ADGRL2: variants seen among roughly 807,000 people sequenced by gnomAD.
ADGRL2 encodes calcium-independent alpha-latrotoxin receptor 2.
A neutral mutation model predicts 157.4 loss-of-function variants in ADGRL2; 44 were observed. That is an observed-to-expected ratio of 0.28 (90% CI 0.22 to 0.36). The LOEUF is 0.36. Among genes scored for constraint, ADGRL2 ranks in the 10% least tolerant of loss-of-function variants. The probability of loss-of-function intolerance (pLI) is 1.00; values close to 1 mark genes in which losing one functional copy is unlikely to be tolerated. For synonymous variants in ADGRL2, 585 were observed against 624.7 expected, an observed-to-expected ratio of 0.94 and a Z score of 0.95; for missense variants, 1,510 against 1,768.9, an observed-to-expected ratio of 0.85 and a Z score of 2.63.
intron 2 of ADGRL2, among the ~76,000 whole-genome samples, chr1:81,781,209 G>C (rs908736082): frequency 6.6e-6 from 1 of 152,068 alleles, no homozygotes; most frequent in Non-Finnish European, 1.5e-5. Flanking sequence ...ATTTACCAAG[G>C]TGAATAACAT....
intron 3 of ADGRL2, among the ~76,000 whole-genome samples, chr1:81,639,290 C>T (rs532453821): frequency 4.6e-5 from 7 of 152,184 alleles, no homozygotes; most frequent in Middle Eastern, 3.4e-3. Context: ...AGGCTGGTCT[C>T]GAACTCCTGA....
At chr1:81,392,380 C>G (rs114464346) in intron 1 of ADGRL2, among the ~76,000 whole-genome samples, 1 of 152,012 alleles carries the variant, frequency 6.6e-6, no homozygotes, top group Admixed American at 6.6e-5. Flanking sequence ...GTAACTTTGC[C>G]GCCTTAGGGT....
At chr1:81,321,629 A>G (rs971686225) in intron 1 of ADGRL2, among the ~76,000 whole-genome samples, 3 of 152,178 alleles carry the variant, frequency 2.0e-5, no homozygotes, top group Admixed American at 1.3e-4. Context: ...CTGTCAATAG[A>G]GCAGTCGGAA....
chr1:81,541,300 G>A (rs933827342), intron 2 of ADGRL2, among the ~76,000 whole-genome samples: 1 of 152,172 alleles, frequency 6.6e-6, no homozygotes, highest in Non-Finnish European at 1.5e-5. Flanking sequence ...TGCAACCAAT[G>A]TCCAAATGGA....
chr1:81,723,502 G>T (rs990071413), intron 1 of ADGRL2, among the ~76,000 whole-genome samples: 1 of 151,960 alleles, frequency 6.6e-6, no homozygotes, highest in Non-Finnish European at 1.5e-5. Context: ...GAATTATTGG[G>T]CAGGGAAGAT....
chr1:81,471,248 C>G (rs569116380), intron 2 of ADGRL2, among the ~76,000 whole-genome samples: 11 of 152,036 alleles, frequency 7.2e-5, no homozygotes, highest in Non-Finnish European at 1.3e-4. Context: ...TTCTTCAGAC[C>G]ACCACAAATC....
chr1:81,578,770 A>G (rs149156220), intron 2 of ADGRL2, among the ~76,000 whole-genome samples: 25 of 152,308 alleles, frequency 1.6e-4, no homozygotes, highest in African/African-American at 5.8e-4. Context: ...GTCTATAAAC[A>G]GGCAATAATT....
intron 19 of ADGRL2, among the ~76,000 whole-genome samples, chr1:81,982,369 A>G (rs920225314): frequency 7.9e-5 from 12 of 151,988 alleles, no homozygotes; most frequent in African/African-American, 2.7e-4. Flanking sequence ...TTTTTAAAGC[A>G]CCAGACATAC....
intron 1 of ADGRL2, among the ~76,000 whole-genome samples, chr1:81,734,691 T>C (rs1352280754): frequency 1.3e-5 from 2 of 148,728 alleles, no homozygotes; most frequent in East Asian, 3.9e-4. Flanking sequence ...TATTTTGGTA[T>C]ATGTTGTCTC....
At chr1:81,989,695 T>C (rs1486014062) in intron 23 of ADGRL2, 1 of 1,611,192 alleles carries the variant, frequency 6.2e-7, no homozygotes, top group Admixed American at 1.7e-5. Flanking sequence ...ACAGACATGA[T>C]GTGAGTTGTC....
chr1:81,659,729 C>T (rs900783689), intron 3 of ADGRL2, among the ~76,000 whole-genome samples: 2 of 152,170 alleles, frequency 1.3e-5, no homozygotes, highest in African/African-American at 2.4e-5. Context: ...ATCTTTATCA[C>T]ATTTTATTTT....
intron 2 of ADGRL2, among the ~76,000 whole-genome samples, chr1:81,493,869 T>G (rs2147968310): frequency 6.6e-6 from 1 of 152,260 alleles, no homozygotes; most frequent in Middle Eastern, 3.4e-3. Flanking sequence ...TGTTGCTTAC[T>G]TGGGGAGAGG....
At chr1:81,651,150 C>T (rs1396340495) in intron 3 of ADGRL2, among the ~76,000 whole-genome samples, 1 of 151,974 alleles carries the variant, frequency 6.6e-6, no homozygotes, top group Non-Finnish European at 1.5e-5. Context: ...CTCAATAAAG[C>T]AGCTGTCCTA....
At chr1:81,732,208 G>A (rs1302708872) in intron 1 of ADGRL2, among the ~76,000 whole-genome samples, 1 of 152,208 alleles carries the variant, frequency 6.6e-6, no homozygotes, top group Admixed American at 6.5e-5. Context: ...TGTTAAGAGA[G>A]TACAATGTGA....
At chr1:81,612,432 G>A (rs141743725) in intron 3 of ADGRL2, among the ~76,000 whole-genome samples, 2 of 152,214 alleles carry the variant, frequency 1.3e-5, no homozygotes, top group African/African-American at 4.8e-5. Flanking sequence ...AAGAGGTGCC[G>A]ACAAAAGTAT....
At chr1:81,874,867 G>A (rs780869815) in intron 2 of ADGRL2, among the ~76,000 whole-genome samples, 9 of 151,776 alleles carry the variant, frequency 5.9e-5, no homozygotes, top group Non-Finnish European at 8.8e-5. Context: ...CACTGTGCCC[G>A]GCTAATTTTT....
intron 3 of ADGRL2, among the ~76,000 whole-genome samples, chr1:81,667,228 G>T (rs2082768978): frequency 6.6e-6 from 1 of 152,126 alleles, no homozygotes; most frequent in Non-Finnish European, 1.5e-5. Context: ...TGTTGTTGGG[G>T]ATAAAATCAG....
chr1:81,488,537 A>G lies in ADGRL2; in HGVS notation c.-248+43448A>G, dbSNP rs1570253841. ...GCAACATGGCAAAACCTGTCTCTAC[A>G]AAAAAAAAAAAAAATACAAAAATTA... On this transcript the variant is annotated intron_variant, in intron 2 of 24. Coordinates refer to the ADGRL2 transcript ENST00000370721. Among the ~76,000 whole-genome samples, 3 of 1,104 alleles carry G rather than the reference A, an allele frequency of 2.7e-3. No individual in the cohort carries two copies. In the South Asian group the frequency reaches 0.071, roughly 26 times the overall value. 0.7% of individuals were successfully genotyped at this position (1,104 alleles called of 152,430 possible).
chr1:81,709,370 T>C (rs999468982), intron 1 of ADGRL2, among the ~76,000 whole-genome samples: 2 of 152,140 alleles, frequency 1.3e-5, no homozygotes, highest in African/African-American at 4.8e-5. Context: ...TGGTGCTCCT[T>C]TCCTGCAAGA....
Sources: allele counts gnomAD v4.1 joint callset (sites outside exome capture counted in the v4.1 genomes callset), GRCh38; gene constraint gnomAD v4.1.1; transcripts MANE v1.5; gene names NCBI Gene and HGNC (gene_info 2026-07-23, HGNC 2026-07-21).